Variants in DHX34 observed in about 807,000 individuals in gnomAD.
DHX34 encodes the protein DExH-box helicase 34, also known as probable ATP-dependent RNA helicase DHX34.
Under a neutral mutation model 111.1 loss-of-function variants are expected in DHX34, and 96 were observed. That is an observed-to-expected ratio of 0.86 (90% CI 0.73 to 1.02). The LOEUF (loss-of-function observed/expected upper bound fraction) is 1.02, where lower values mean the gene tolerates loss of function less well. DHX34 is among the 50% of genes least tolerant of loss of function. The pLI, the probability that DHX34 is intolerant of heterozygous loss-of-function variation, is 0.00. For synonymous variants in DHX34, 688 were observed against 670.4 expected (o/e 1.03, Z -0.41); for missense variants, 1,560 against 1,579.9 (o/e 0.99, Z 0.21).
chr19:47,370,505 C>G (rs1568402160), intron 7 of DHX34, among the ~76,000 whole-genome samples: 1 of 152,202 alleles, frequency 6.6e-6, no homozygotes, highest in South Asian at 2.1e-4. Context: ...TCAAGACTTT[C>G]TATTTCCAGC....
intron 1 of DHX34, among the ~76,000 whole-genome samples, chr19:47,349,742 AG>A (rs142465767): frequency 0.02 from 3,066 of 152,248 alleles, 44 homozygotes; most frequent in Middle Eastern, 0.045. Flanking sequence ...TGGGGAGTGG[AG>A]GGAAAAGTCG....
chr19:47,381,870 C>T (rs1970371156), intron 16 of DHX34, 110 bp from the exon 17 acceptor site: 2 of 1,535,908 alleles, frequency 1.3e-6, no homozygotes, highest in South Asian at 2.5e-5. Context: ...AAACTGGGTT[C>T]TCCAAAGGCC....
At chr19:47,379,143 T>TTAA (rs111684128) in intron 13 of DHX34, among the ~76,000 whole-genome samples, 245 of 150,900 alleles carry the variant, frequency 1.6e-3, no homozygotes, top group African/African-American at 5.8e-3. Context: ...AATAAATAAA[T>TTAA]TAATAATAAT....
chr19:47,379,622 TGGGCAGGAGCCCAGCC>T (rs1970285541), intron 13 of DHX34, 72 bp from the exon 14 acceptor site: 2 of 1,507,720 alleles, frequency 1.3e-6, no homozygotes, highest in South Asian at 2.6e-5. Context: ...GGCTGGTGGG[TGGGCAGGAGCCCAGCC>T]GGGCAGGGCC....
At position 47,360,018 on chromosome 19, in the gene DHX34, C is replaced by G; in HGVS notation, c.1323C>G (p.Asn441Lys). ...TCCGGAAATGCATCCTCTCCACCAA[C>G]ATTGCTGAGACCTCAGTCACCATTG... is the stretch of plus-strand genomic sequence containing the variant. ...PGVRKCILST[N>K]IAETSVTIDG... Residue 441 changes from asparagine (N) to lysine (K), a missense_variant, in exon 5 of 17, where the codon AAC becomes AAG. By Grantham distance (94) the Asn-to-Lys change is moderately conservative (BLOSUM62 0). Coordinates refer to ENST00000328771, the MANE Select transcript of DHX34 (RefSeq NM_014681.6). The G allele has an allele frequency of 6.2e-7, 1 of 1,614,076 alleles. No individual in the cohort carries two copies. Among genetic ancestry groups the G allele is most frequent in the South Asian group, 1.1e-5 (1 of 91,080 alleles).
intron 7 of DHX34, among the ~76,000 whole-genome samples, chr19:47,368,402 G>A (rs1969860707): frequency 7.4e-6 from 1 of 135,954 alleles, no homozygotes. Flanking sequence ...CACCTCTTGA[G>A]TTCAAGCGAT....
Position 47,362,458 on chromosome 19 carries a change from C to A in DHX34, c.1376-18C>A. 1 of 1,540,236 alleles carries A rather than the reference C, an allele frequency of 6.5e-7. No homozygotes were observed. Among genetic ancestry groups the A allele is most frequent in the Non-Finnish European group, 8.8e-7 (1 of 1,141,274 alleles). On this transcript the variant is annotated intron_variant, in intron 5 of 16. Transcript: ENST00000328771. ...GGCTGCCACACACAGACTCCCTTTC[C>A]TCATTGCTCCCATCCAGGAAAGGTG...
intron 4 of DHX34, 79 bp from the exon 5 acceptor site, chr19:47,359,889 G>A (rs374233273): frequency 1.2e-5 from 19 of 1,603,236 alleles, no homozygotes; most frequent in African/African-American, 1.1e-4. Flanking sequence ...CTGCTGACAC[G>A]GGGGTGGGCA....
At chr19:47,368,612 A>ATGTG (rs374912105) in intron 7 of DHX34, among the ~76,000 whole-genome samples, 3 of 141,590 alleles carry the variant, frequency 2.1e-5, no homozygotes, top group Admixed American at 7.0e-5. Context: ...GGTCCATTGA[A>ATGTG]TGTGTGTGTG....
chr19:47,381,958 C>T (rs754802513), intron 16 of DHX34, 22 bp from the exon 17 acceptor site: 2 of 1,613,976 alleles, frequency 1.2e-6, no homozygotes, highest in South Asian at 1.1e-5. Context: ...CCCCTCACAG[C>T]CTCCTCCTTT....
At position 47,372,319 on chromosome 19, in the gene DHX34, T is replaced by G. The variant is rs116518617; in HGVS notation, c.1769-411T>G. Among the ~76,000 whole-genome samples the G allele has an allele frequency of 7.8e-3, 1,188 of 151,998 alleles. 23 individuals are homozygous for G. Among genetic ancestry groups the G allele is most frequent in the African/African-American group, 0.027 (1,122 of 41,468 alleles). ...AGAGGGACTCACTTACAGGTGACAC[T>G]CTAGCGCGGAGGAGAGACGTCCACC... is the stretch of plus-strand genomic sequence containing the variant. On this transcript the variant is annotated intron_variant, in intron 7 of 16. Transcript: ENST00000328771.
chr19:47,381,464 A>G, intron 16 of DHX34, 140 bp downstream of exon 16: 3 of 1,269,090 alleles, frequency 2.4e-6, no homozygotes, highest in Non-Finnish European at 3.2e-6. Context: ...GGTGCCACAC[A>G]CAGGCCTTGT....
rs928386903 is a variant in DHX34 at position 47,375,942 on chromosome 19, C to T, written c.2326C>T (p.Arg776Trp). Residue 776 changes from arginine to tryptophan, a missense_variant, in exon 11 of 17, where the codon CGG becomes TGG. Physicochemically the swap from Arg to Trp is moderately radical, Grantham distance 101 (BLOSUM62 -3). Coordinates refer to ENST00000328771, the MANE Select transcript of DHX34 (RefSeq NM_014681.6). ...CCCCCAGGATGTGAAGTTCAAGCTT[C>T]GGCATGACCTGGCGCAGCTGCAGGC... ...VDIQDVKFKLRHDLAQLQAAA... is the reference protein window; with the variant it reads ...VDIQDVKFKLWHDLAQLQAAA... The T allele has an allele frequency of 1.2e-5, 19 of 1,602,152 alleles. No homozygotes were observed. Among genetic ancestry groups the T allele is most frequent in the Admixed American group, 3.6e-5 (2 of 56,052 alleles).
intron 1 of DHX34, among the ~76,000 whole-genome samples, chr19:47,352,394 G>T (rs906782303): frequency 2.0e-5 from 3 of 152,166 alleles, no homozygotes; most frequent in Non-Finnish European, 4.4e-5. Flanking sequence ...TCTAAAAATG[G>T]GCTGGGCATG....
intron 11 of DHX34, 106 bp downstream of exon 11, chr19:47,376,203 G>T: frequency 1.4e-6 from 2 of 1,470,454 alleles, no homozygotes; most frequent in Middle Eastern, 2.5e-4. Context: ...CCCTGGTTCT[G>T]TCCCCATGGG....
rs183232354 is a variant in DHX34, at chr19:47,376,550, C to T, written c.2589C>T (p.Asp863=). 77 of 1,562,074 alleles carry T rather than the reference C, an allele frequency of 4.9e-5. No homozygotes were observed. The highest frequency in any genetic ancestry group is 3.4e-4 in the South Asian group (29 of 85,266). The change falls in exon 12 of 17, where the codon GAC becomes GAT. Residue 863 remains aspartate, a synonymous_variant. Transcript: ENST00000328771. ...AGGAGCTGGAGGCCAGCAACTGCGA[C>T]GGAAGCCGAGGTACAGTGAGCCCAG... ...HAQELEASNC[D]GSRDDKDKMS... is the part of the protein sequence containing the mutation.
chr19:47,361,631 G>A (rs753006051), intron 5 of DHX34, among the ~76,000 whole-genome samples: 16 of 151,782 alleles, frequency 1.1e-4, no homozygotes, highest in Non-Finnish European at 1.9e-4. Context: ...ATACAAAAAT[G>A]ACCCGGGCAT....
rs115603333 is a variant in DHX34, at chr19:47,376,040, G to A, written c.2424G>A (p.Leu808=). 143 of 1,600,290 alleles carry A rather than the reference G, an allele frequency of 8.9e-5. No individual in the cohort carries two copies. The African/African-American group carries it at 1.7e-3, about 19-fold the overall frequency. The stretch of plus-strand genomic sequence containing the variant: ...TGAAGCTGGTGCTGGGCCGGGGCCT[G>A]TACCCACAGCTGGCCGTCCCCGACG... ...ALLKLVLGRG[L]YPQLAVPDAF... is the part of the protein sequence containing the mutation. Residue 808 remains leucine, a synonymous_variant, in exon 11 of 17, where the codon CTG becomes CTA. Coordinates refer to ENST00000328771, the MANE Select transcript of DHX34 (RefSeq NM_014681.6).
rs552301888 is a variant in DHX34 at position 47,373,757 on chromosome 19, C to T, written c.2064+57C>T. Reference sequence around the variant, plus strand: ...CCACTCAGGCAGACGTGTGTAAGCACACTCCAGAACACTGCTTCCCCTTCC... The same window carrying T: ...CCACTCAGGCAGACGTGTGTAAGCATACTCCAGAACACTGCTTCCCCTTCC... On this transcript the variant is annotated intron_variant, in intron 9 of 16. Coordinates refer to ENST00000328771, the MANE Select transcript of DHX34 (RefSeq NM_014681.6). The T allele has an allele frequency of 1.9e-6, 3 of 1,561,980 alleles. No individual in the cohort carries two copies. In the African/African-American group the frequency reaches 4.1e-5, roughly 21 times the overall value.
Sources: gnomAD v4.1 joint callset for allele counts (sites outside exome capture counted in the v4.1 genomes callset) on GRCh38, gnomAD v4.1.1 for gene constraint, MANE v1.5 for transcripts, NCBI Gene and HGNC (gene_info 2026-07-23, HGNC 2026-07-21) for gene names.